DLEU7: variants seen among roughly 807,000 people sequenced by gnomAD.
DLEU7 encodes leukemia-associated protein 7.
DLEU7 carries 17 observed loss-of-function variants against 16.0 expected under a neutral mutation model. That is an observed-to-expected ratio of 1.06 (90% CI 0.73 to 1.59). The LOEUF is 1.59. Among genes scored for constraint, DLEU7 ranks in the 40% most tolerant of loss-of-function variants. The probability of loss-of-function intolerance (pLI) is 0.00; values close to 1 mark genes in which losing one functional copy is unlikely to be tolerated. For missense variants in DLEU7, 308 were observed against 314.9 expected (o/e 0.98, Z 0.17); for synonymous variants, 113 against 139.8 (o/e 0.81, Z 1.35).
chr13:50,843,530 G>T lies in DLEU7; in HGVS notation c.117C>A (p.Asn39Lys). The change falls in exon 1 of 2, where the codon AAC (asparagine) becomes AAA (lysine). Residue 39 changes from asparagine to lysine, a missense_variant. By Grantham distance (94) the Asn-to-Lys change is moderately conservative. Coordinates refer to ENST00000504404, the MANE Select transcript of DLEU7 (RefSeq NM_001306135.2). This position sits in a 1 kb window ranked among gnomAD's most constrained non-coding sequence, Gnocchi z 5.7. ...TGGACACGTGGTCTGGGTCCCGCGGGTTCCCGGGGGCGACTGGACCGTCCC... is the reference window on the plus strand; with the variant it reads ...TGGACACGTGGTCTGGGTCCCGCGGTTTCCCGGGGGCGACTGGACCGTCCC... ...GWGDGPVAPG[N>K]PRDPDHVSTA... The T allele has an allele frequency of 1.4e-6, 2 of 1,434,858 alleles. No homozygotes were observed. Among genetic ancestry groups the T allele is most frequent in the Non-Finnish European group, 1.8e-6 (2 of 1,104,710 alleles). The allele number at this position is 1,434,858 out of a possible 1,614,324, so 88.9% of individuals were successfully genotyped here. A position where few individuals can be genotyped will look rare whatever the true frequency, so the allele number is the denominator to read the frequency against.
chr13:50,819,294 T>C (rs543109049), downstream of DLEU7, among the ~76,000 whole-genome samples: 1 of 152,202 alleles, frequency 6.6e-6, no homozygotes, highest in South Asian at 2.1e-4. Context: ...ATCGTTGTCA[T>C]ATTTGAAGAG....
intron 1 of DLEU7, among the ~76,000 whole-genome samples, chr13:50,734,281 T>A (rs1331465783): frequency 6.6e-6 from 1 of 152,220 alleles, no homozygotes; most frequent in African/African-American, 2.4e-5. Flanking sequence ...TGTTTTAATG[T>A]GAAATTAGAC....
At chr13:50,752,592 G>A (rs1874602961) in intron 1 of DLEU7, among the ~76,000 whole-genome samples, 1 of 146,270 alleles carries the variant, frequency 6.8e-6, no homozygotes, top group Non-Finnish European at 1.5e-5. Flanking sequence ...TCCTTCTGGT[G>A]GGGTTCGTGG....
chr13:50,795,839 G>T (rs1053351452), intron 1 of DLEU7, among the ~76,000 whole-genome samples: 3 of 152,138 alleles, frequency 2.0e-5, no homozygotes, highest in Non-Finnish European at 4.4e-5. Context: ...TAATATTAAT[G>T]ATCTCTACCC....
exon 2 of DLEU7, chr13:50,711,929 A>G (rs988048841): frequency 1.2e-4 from 18 of 151,930 alleles, no homozygotes; most frequent in African/African-American, 4.4e-4. Flanking sequence ...GGAAAGGAGA[A>G]GAGAAATCCA....
intron 1 of DLEU7, among the ~76,000 whole-genome samples, chr13:50,721,831 T>G (rs762194715): frequency 2.0e-5 from 3 of 152,070 alleles, no homozygotes; most frequent in Admixed American, 6.6e-5. Context: ...CAACGTAACA[T>G]CCAATAAGTA....
rs75946251 is a variant in DLEU7 at position 50,714,917 on chromosome 13, G to C, written c.460-1677C>G. 2.3e-3 allele frequency among the ~76,000 whole-genome samples: 350 copies of C among 152,322 alleles called. 4 individuals are homozygous for C. The highest frequency in any genetic ancestry group is 0.012 in the East Asian group (64 of 5,182). ...GGTTAGAAGTCCAGTGGGCGCGGCTGGTGTGTGGGCTTCAAGCCTCACAGG... is the reference window on the plus strand; with the variant it reads ...GGTTAGAAGTCCAGTGGGCGCGGCTCGTGTGTGGGCTTCAAGCCTCACAGG... On this transcript the variant is annotated intron_variant, in intron 1 of 1. Transcript: ENST00000400393.
chr13:50,805,230 G>T (rs1876356373), intron 1 of DLEU7, among the ~76,000 whole-genome samples: 1 of 152,080 alleles, frequency 6.6e-6, no homozygotes, highest in African/African-American at 2.4e-5. Context: ...GCCATTTATT[G>T]ACAGTTTTGT....
In DLEU7 at chr13:50,823,488, A is replaced by G. The variant is rs1876980189; in HGVS notation, c.492T>C (p.His164=). Residue 164 remains histidine (H), a synonymous_variant, in exon 2 of 2, where the codon CAT becomes CAC. Transcript: ENST00000504404. ...GCTGTCCTTCAATCTGTAGAGCCAA[A>G]TGACTGCAGATGTTTCTAAACTCAA... The part of the protein sequence containing the change: ...DSVEFRNICS[H]LALQIEGQQF... 3.3e-6 allele frequency: 5 copies of G among 1,535,898 alleles called. No individual in the cohort carries two copies. Among genetic ancestry groups the G allele is most frequent in the Non-Finnish European group, 4.4e-6 (5 of 1,146,710 alleles).
intron 1 of DLEU7, among the ~76,000 whole-genome samples, chr13:50,746,285 C>T (rs1454655455): frequency 3.9e-5 from 6 of 152,128 alleles, no homozygotes; most frequent in African/African-American, 1.4e-4. Context: ...TCTTTTGATT[C>T]TTAAACAGTC....
rs748149482 is a variant in DLEU7 at position 50,843,112 on chromosome 13, C to T, written c.459+76G>A. Reference sequence around the variant, plus strand: ...TTGGGATCCTGCGATCCACCCATCGCCATCCCAGCAGCCCCACCCTTGGAG... The same window carrying T: ...TTGGGATCCTGCGATCCACCCATCGTCATCCCAGCAGCCCCACCCTTGGAG... On this transcript the variant is annotated intron_variant, in intron 1 of 1. Coordinates refer to ENST00000504404, the MANE Select transcript of DLEU7 (RefSeq NM_001306135.2). The surrounding 1 kb of genome is among the most constrained non-coding windows in gnomAD (Gnocchi z 5.7). The T allele has an allele frequency of 1.2e-5, 16 of 1,385,334 alleles. No individual in the cohort carries two copies. Among genetic ancestry groups the T allele is most frequent in the Non-Finnish European group, 1.4e-5 (15 of 1,037,192 alleles). The allele number at this position is 1,385,334 out of a possible 1,614,324, so 85.8% of individuals were successfully genotyped here. A position where few individuals can be genotyped will look rare whatever the true frequency, so the allele number is the denominator to read the frequency against.
chr13:50,752,891 TC>T (rs1874619266), intron 1 of DLEU7, among the ~76,000 whole-genome samples: 1 of 152,102 alleles, frequency 6.6e-6, no homozygotes, highest in Admixed American at 6.5e-5. Flanking sequence ...GCTTTTATTC[TC>T]TTATCTGGCC....
rs375504884 is a variant in DLEU7 at position 50,825,099 on chromosome 13, T to C, written c.460-1579A>G. Among the ~76,000 whole-genome samples, 48 of 152,318 alleles carry C rather than the reference T, an allele frequency of 3.2e-4. No individual in the cohort carries two copies. The East Asian group carries it at 8.3e-3, about 26-fold the overall frequency. ...TCATCAGGCATTAGATTCTCTCTTTTTTTTTAAGAGATGAGATGATAATTT... is the reference window on the plus strand; with the variant it reads ...TCATCAGGCATTAGATTCTCTCTTTCTTTTTAAGAGATGAGATGATAATTT... On this transcript the variant is annotated intron_variant, in intron 1 of 1. Transcript: ENST00000504404.
At chr13:50,840,412 C>A (rs549562043) in intron 1 of DLEU7, among the ~76,000 whole-genome samples, 10 of 152,282 alleles carry the variant, frequency 6.6e-5, no homozygotes, top group Non-Finnish European at 1.3e-4. Context: ...CTGCAAACAG[C>A]AAACCAAGCA....
At position 50,747,085 on chromosome 13, in the gene DLEU7, G is replaced by A. The variant is rs746836639; in HGVS notation, c.460-33845C>T. On this transcript the variant is annotated intron_variant, in intron 1 of 1. Coordinates refer to the DLEU7 transcript ENST00000400393. ...AATGATAATAAGAACCAGAATTCAC[G>A]AAAGATAGAATTTTGATAATTTCTG... Among the ~76,000 whole-genome samples, 15 of 152,144 alleles carry A rather than the reference G, an allele frequency of 9.9e-5. 1 individual carries two copies. The highest frequency in any genetic ancestry group is 2.7e-4 in the African/African-American group (11 of 41,502).
downstream of DLEU7, chr13:50,822,665 T>G (rs1876950089): frequency 1.0e-6 from 1 of 985,308 alleles, no homozygotes; most frequent in Non-Finnish European, 1.2e-6. Context: ...TGCTTTGTAT[T>G]TACATATCAT....
At chr13:50,835,247 G>A (rs1390033048) in intron 1 of DLEU7, among the ~76,000 whole-genome samples, 1 of 152,164 alleles carries the variant, frequency 6.6e-6, no homozygotes, top group Non-Finnish European at 1.5e-5. Context: ...CCCAAATGAT[G>A]CCAGGTGCAG....
At position 50,843,101 on chromosome 13, in the gene DLEU7, T is replaced by C; in HGVS notation, c.459+87A>G. The C allele has an allele frequency of 1.6e-6, 2 of 1,286,606 alleles. No homozygotes were observed. The allele number at this position is 1,286,606 out of a possible 1,614,324, so 79.7% of individuals were successfully genotyped here. A position where few individuals can be genotyped will look rare whatever the true frequency, so the allele number is the denominator to read the frequency against. ...GGCAGCAGTGTTTGGGATCCTGCGA[T>C]CCACCCATCGCCATCCCAGCAGCCC... On this transcript the variant is annotated intron_variant, in intron 1 of 1. Transcript: ENST00000504404. This position sits in a 1 kb window ranked among gnomAD's most constrained non-coding sequence, Gnocchi z 5.7.
intron 1 of DLEU7, among the ~76,000 whole-genome samples, chr13:50,775,802 T>C (rs961471745): frequency 6.6e-6 from 1 of 152,242 alleles, no homozygotes; most frequent in African/African-American, 2.4e-5. Context: ...ACAATAGCTA[T>C]TGGCAGGAAA....
Sources: gnomAD v4.1 joint callset for allele counts (sites outside exome capture counted in the v4.1 genomes callset) on GRCh38, gnomAD v4.1.1 for gene constraint, Gnocchi (gnomAD v3.1) non-coding constraint, MANE v1.5 for transcripts, NCBI Gene and HGNC (gene_info 2026-07-23, HGNC 2026-07-21) for gene names.